EPN1: variants seen among roughly 807,000 people sequenced by gnomAD.
The protein encoded by EPN1 is epsin-1.
EPN1 carries 25 observed loss-of-function variants against 56.9 expected under a neutral mutation model. The ratio of observed to expected loss-of-function variants is 0.44; its 90% CI spans 0.32 to 0.61. The LOEUF is 0.61. EPN1 is among the 20% of genes least tolerant of loss of function. The pLI, the probability that EPN1 is intolerant of heterozygous loss-of-function variation, is 0.05. For missense variants in EPN1, 785 were observed against 823.7 expected, an observed-to-expected ratio of 0.95 and a Z score of 0.58; for synonymous variants, 411 against 361.8, an observed-to-expected ratio of 1.14 and a Z score of -1.54.
chr19:55,681,633 C>T (rs1338432022), intron 2 of EPN1, among the ~76,000 whole-genome samples: 1 of 152,176 alleles, frequency 6.6e-6, no homozygotes, highest in Admixed American at 6.5e-5. Flanking sequence ...CATCTGGCTC[C>T]TTACAGAAAT....
Position 55,695,371 on chromosome 19 carries a change from G to A in EPN1, c.*15G>A. 1 of 1,405,764 alleles carries A rather than the reference G, an allele frequency of 7.1e-7. No individual in the cohort carries two copies. Among genetic ancestry groups the A allele is most frequent in the Non-Finnish European group, 9.7e-7 (1 of 1,032,640 alleles). The allele number at this position is 1,405,764 out of a possible 1,614,324, so 87.1% of individuals were successfully genotyped here. A position where few individuals can be genotyped will look rare whatever the true frequency, so the allele number is the denominator to read the frequency against. On this transcript the variant is annotated 3_prime_UTR_variant, in exon 11 of 11. Transcript: ENST00000270460. The surrounding 1 kb of genome is among the most constrained non-coding windows in gnomAD (Gnocchi z 4.4). The stretch of plus-strand genomic sequence containing the variant: ...TCCTCCTATAATCCAGGGCGGAAGG[G>A]GGCCTGGCTCCATCCGGCTGCCCCA...
chr19:55,683,301 C>T (rs938147414), intron 2 of EPN1, among the ~76,000 whole-genome samples: 9 of 152,068 alleles, frequency 5.9e-5, no homozygotes, highest in Non-Finnish European at 1.3e-4. Context: ...GTGATCTGCC[C>T]GCCTTGGCCT....
chr19:55,688,721 C>T, intron 3 of EPN1, 149 bp from the exon 4 acceptor site: 1 of 1,200,704 alleles, frequency 8.3e-7, no homozygotes. Flanking sequence ...GTCTCCGCCT[C>T]TCAGTCCTAG....
rs141603364 is a variant in EPN1 at position 55,704,473 on chromosome 19, T to C, written c.*9117T>C. ...AGGACGCCGGGAGAAGACAGCCGTCTGGGAGCCAAGGAGAGAGGCCTTGGC... is the reference window on the plus strand; with the variant it reads ...AGGACGCCGGGAGAAGACAGCCGTCCGGGAGCCAAGGAGAGAGGCCTTGGC... On this transcript the variant is annotated 3_prime_UTR_variant, in exon 11 of 11. Coordinates refer to ENST00000270460, the MANE Select transcript of EPN1 (RefSeq NM_001130072.2). 1.6e-4 allele frequency: 24 copies of C among 152,388 alleles called. No homozygotes were observed. The highest frequency in any genetic ancestry group is 5.1e-4 in the African/African-American group (21 of 41,584). The allele number at this position is 152,388 out of a possible 1,614,324, so 9.4% of individuals were successfully genotyped here.
At position 55,689,323 on chromosome 19, in the gene EPN1, C is replaced by T. The variant is rs919805925; in HGVS notation, c.630C>T (p.Asp210=). Residue 210 remains aspartate (D), a synonymous_variant, in exon 5 of 11, where the codon GAC becomes GAT. Transcript: ENST00000270460. The surrounding 1 kb of genome is among the most constrained non-coding windows in gnomAD (Gnocchi z 5.7). ...CCCCGTCCTGCGGCCCCGAGGACGA[C>T]GCCCAGCTCCAGCTGGCCCTTAGTT... ...DQPPSCGPED[D]AQLQLALSLS... The T allele has an allele frequency of 1.8e-5, 28 of 1,549,686 alleles. No homozygotes were observed. The highest frequency in any genetic ancestry group is 3.9e-5 in the Admixed American group (2 of 50,842).
Position 55,695,445 on chromosome 19 carries a change from ATCCCCACCCCCAG to A in EPN1, c.*91_*103del. 1 of 703,142 alleles carries A rather than the reference ATCCCCACCCCCAG, an allele frequency of 1.4e-6. No homozygotes were observed. The highest frequency in any genetic ancestry group is 2.7e-5 in the Admixed American group (1 of 37,272). The allele number at this position is 703,142 out of a possible 1,614,324, so 43.6% of individuals were successfully genotyped here. A position where few individuals can be genotyped will look rare whatever the true frequency, so the allele number is the denominator to read the frequency against. ...GTTGTGAGTGCATGTGAAATGGGGGATCCCCACCCCCAGTGCCCTTCCCCTTCCTGGGGCCCAC... is the reference window on the plus strand; with the variant it reads ...GTTGTGAGTGCATGTGAAATGGGGGATGCCCTTCCCCTTCCTGGGGCCCAC... On this transcript the variant is annotated 3_prime_UTR_variant, in exon 11 of 11. Transcript: ENST00000270460. The surrounding 1 kb of genome is among the most constrained non-coding windows in gnomAD (Gnocchi z 4.4).
rs1987403257 is a variant in EPN1 at position 55,706,250 on chromosome 19, CCT to C, written c.*10897_*10898del. 1.4e-5 allele frequency: 2 copies of C among 147,614 alleles called. No homozygotes were observed. Among genetic ancestry groups the C allele is most frequent in the African/African-American group, 2.6e-5 (1 of 37,918 alleles). The allele number at this position is 147,614 out of a possible 1,614,324, so 9.1% of individuals were successfully genotyped here. A position where few individuals can be genotyped will look rare whatever the true frequency, so the allele number is the denominator to read the frequency against. ...CCTCCTCTTTCTTCTCCTTTTTCCT[CCT>C]CTTTTCTTCCTTTCTTCTCTTTTTC... On this transcript the variant is annotated 3_prime_UTR_variant, in exon 11 of 11. Transcript: ENST00000270460.
intron 2 of EPN1, among the ~76,000 whole-genome samples, chr19:55,683,287 C>T (rs905387296): frequency 1.3e-5 from 2 of 152,096 alleles, no homozygotes; most frequent in Non-Finnish European, 2.9e-5. Context: ...AAACTCCTGA[C>T]CTTGTGATCT....
In EPN1 at chr19:55,699,120, C is replaced by G. The variant is rs1452178018; in HGVS notation, c.*3764C>G. On this transcript the variant is annotated 3_prime_UTR_variant, in exon 11 of 11. Coordinates refer to ENST00000270460, the MANE Select transcript of EPN1 (RefSeq NM_001130072.2). ...CTATGCACAACGCGCAGGTTTGTTA[C>G]ATATATATACATGTGCCATGTTGGT... 1 of 152,154 alleles carries G rather than the reference C, an allele frequency of 6.6e-6. No homozygotes were observed. Among genetic ancestry groups the G allele is most frequent in the East Asian group, 1.9e-4 (1 of 5,194 alleles). The allele number at this position is 152,154 out of a possible 1,614,324, so 9.4% of individuals were successfully genotyped here.
intron 3 of EPN1, among the ~76,000 whole-genome samples, chr19:55,688,492 T>C (rs1986312136): frequency 6.6e-6 from 1 of 152,102 alleles, no homozygotes; most frequent in African/African-American, 2.4e-5. Context: ...GAAACAGGCC[T>C]GGGAAACCTG....
intron 2 of EPN1, among the ~76,000 whole-genome samples, chr19:55,683,045 G>A (rs539861984): frequency 1.2e-4 from 17 of 146,548 alleles, no homozygotes; most frequent in Middle Eastern, 3.9e-3. Flanking sequence ...GTGAGCCACC[G>A]CGCCCAGCCT....
rs1474312836 is a variant in EPN1, at chr19:55,697,569, A to G, written c.*2213A>G. 5 of 152,222 alleles carry G rather than the reference A, an allele frequency of 3.3e-5. No individual in the cohort carries two copies. In the East Asian group the frequency reaches 9.6e-4, roughly 29 times the overall value. 9.4% of individuals were successfully genotyped at this position (152,222 alleles called of 1,614,324 possible). A position where few individuals can be genotyped will look rare whatever the true frequency, so the allele number is the denominator to read the frequency against. ...GGCAAAACAGAGAAGACAGGATTGA[A>G]AAACAAGACAAAAACCCAGAGGCTT... On this transcript the variant is annotated 3_prime_UTR_variant, in exon 11 of 11. Transcript: ENST00000270460.
chr19:55,704,882 C>A lies in EPN1; in HGVS notation c.*9526C>A, dbSNP rs1600116932. The stretch of plus-strand genomic sequence containing the variant: ...TTTCTGTTCCCTGGGAAATAAGCAT[C>A]GCAAGTGATCCGTAGAATGGTAGAC... On this transcript the variant is annotated 3_prime_UTR_variant, in exon 11 of 11. Transcript: ENST00000270460. The A allele has an allele frequency of 6.6e-6, 1 of 152,298 alleles. No individual in the cohort carries two copies. Among genetic ancestry groups the A allele is most frequent in the South Asian group, 2.1e-4 (1 of 4,838 alleles). The allele number at this position is 152,298 out of a possible 1,614,324, so 9.4% of individuals were successfully genotyped here. A position where few individuals can be genotyped will look rare whatever the true frequency, so the allele number is the denominator to read the frequency against.
rs573262528 is a variant in EPN1 at position 55,694,942 on chromosome 19, C to T, written c.1481C>T (p.Thr494Met). Residue 494 changes from threonine (T) to methionine (M), a missense_variant, in exon 10 of 11, where the codon ACG becomes ATG. Thr to Met is a moderately conservative substitution (Grantham distance 81). Transcript: ENST00000270460. This position sits in a 1 kb window ranked among gnomAD's most constrained non-coding sequence, Gnocchi z 4.2. ...LDSLVSRPGPTPPGAKASNPF... is the reference protein window; with the variant it reads ...LDSLVSRPGPMPPGAKASNPF... ...TCGCTGGTGAGCCGGCCGGGCCCCACGCCGCCTGGAGCCAAGGCCTCCAAC... is the reference window on the plus strand; with the variant it reads ...TCGCTGGTGAGCCGGCCGGGCCCCATGCCGCCTGGAGCCAAGGCCTCCAAC... The T allele has an allele frequency of 8.3e-6, 13 of 1,560,464 alleles. No homozygotes were observed. Among genetic ancestry groups the T allele is most frequent in the Admixed American group, 1.9e-5 (1 of 52,508 alleles).
chr19:55,689,063 AGCCAGGCGTGG>A lies in EPN1; in HGVS notation c.603+73_603+83del, dbSNP rs1372362213. ...CACGCCTCACTTCAGGCTCCCTCCCAGCCAGGCGTGGGCCTGGCCCTCACTGTCGCTGCTCC... is the reference window on the plus strand; with the variant it reads ...CACGCCTCACTTCAGGCTCCCTCCCAGCCTGGCCCTCACTGTCGCTGCTCC... On this transcript the variant is annotated intron_variant, in intron 4 of 10. Coordinates refer to ENST00000270460, the MANE Select transcript of EPN1 (RefSeq NM_001130072.2). The surrounding 1 kb of genome is among the most constrained non-coding windows in gnomAD (Gnocchi z 5.7). 2.7e-6 allele frequency: 4 copies of A among 1,500,996 alleles called. No homozygotes were observed. The highest frequency in any genetic ancestry group is 3.6e-6 in the Non-Finnish European group (4 of 1,126,750). 93.0% of individuals were successfully genotyped at this position (1,500,996 alleles called of 1,614,324 possible).
rs1600110258 is a variant in EPN1, at chr19:55,694,217, C to T, written c.1265-509C>T. 1 of 110,038 alleles carries T rather than the reference C, an allele frequency of 9.1e-6. No individual in the cohort carries two copies. Among genetic ancestry groups the T allele is most frequent in the Admixed American group, 9.8e-5 (1 of 10,206 alleles). 6.8% of individuals were successfully genotyped at this position (110,038 alleles called of 1,614,324 possible). A position where few individuals can be genotyped will look rare whatever the true frequency, so the allele number is the denominator to read the frequency against. ...TGGGGAAACGAGCGACACTCCGTCT[C>T]AGAAAAAAAAAAAAAAAAAAAAAAA... On this transcript the variant is annotated intron_variant, in intron 9 of 10. Coordinates refer to ENST00000270460, the MANE Select transcript of EPN1 (RefSeq NM_001130072.2). The surrounding 1 kb of genome is among the most constrained non-coding windows in gnomAD (Gnocchi z 4.2).
chr19:55,678,471 G>A, intron 1 of EPN1, 56 bp from the exon 2 acceptor site: 1 of 1,469,714 alleles, frequency 6.8e-7, no homozygotes, highest in Non-Finnish European at 9.0e-7. Context: ...TGACCCTGAG[G>A]GCTCTGGGCA....
At position 55,692,741 on chromosome 19, in the gene EPN1, C is replaced by T. The variant is rs758178019; in HGVS notation, c.1122C>T (p.Ala374=). The T allele has an allele frequency of 2.5e-6, 4 of 1,579,326 alleles. No homozygotes were observed. The highest frequency in any genetic ancestry group is 3.4e-6 in the Non-Finnish European group (4 of 1,163,210). Residue 374 remains alanine, a synonymous_variant, in exon 8 of 11, where the codon GCC becomes GCT. Coordinates refer to ENST00000270460, the MANE Select transcript of EPN1 (RefSeq NM_001130072.2). The part of the protein sequence containing the change: ...SASDPWTPAP[A]FSDPWGGSPA... ...CCGATCCCTGGACACCGGCCCCGGC[C>T]TTCTCAGATCCCTGGGGAGGGTCAC...
rs13382147 is a variant in EPN1 at position 55,691,671 on chromosome 19, C to G, written c.763-83C>G. ...CTGGACACCCAGGGCCTGGCCGCCT[C>G]CCCCGCCACGGGCCCCAGCTTGGTC... On this transcript the variant is annotated intron_variant, in intron 6 of 10. Coordinates refer to ENST00000270460, the MANE Select transcript of EPN1 (RefSeq NM_001130072.2). The surrounding 1 kb of genome is among the most constrained non-coding windows in gnomAD (Gnocchi z 5.6). The G allele has an allele frequency of 5.7e-3, 7,555 of 1,320,164 alleles. 375 individuals are homozygous for G. The African/African-American group carries it at 0.097, about 17-fold the overall frequency. The allele number at this position is 1,320,164 out of a possible 1,614,324, so 81.8% of individuals were successfully genotyped here. A position where few individuals can be genotyped will look rare whatever the true frequency, so the allele number is the denominator to read the frequency against.
Sources: allele counts gnomAD v4.1 joint callset (sites outside exome capture counted in the v4.1 genomes callset), GRCh38; gene constraint gnomAD v4.1.1; non-coding constraint Gnocchi (gnomAD v3.1); transcripts MANE v1.5; gene names NCBI Gene and HGNC (gene_info 2026-07-23, HGNC 2026-07-21).